The following ABCA10 variants were observed in gnomAD, a reference collection of about 807,000 sequenced individuals.
The protein encoded by ABCA10 is ATP-binding cassette sub-family A member 10.
In ABCA10, 169 loss-of-function variants were observed where a neutral mutation model predicts 187.5. The observed-to-expected ratio is 0.90, with a 90% CI of 0.80 to 1.02. ABCA10 has a LOEUF of 1.02. Ranked by LOEUF, ABCA10 falls within the 50% of genes least tolerant of loss-of-function variation. ABCA10 has a pLI of 0.00. For synonymous variants in ABCA10, 574 were observed against 601.8 expected (o/e 0.95, Z 0.68); for missense variants, 1,727 against 1,812.4 (o/e 0.95, Z 0.86).
chr17:69,210,847 C>CATATATATATATATGTATATATAT (rs2074640761), intron 9 of ABCA10, among the ~76,000 whole-genome samples: 1 of 37,892 alleles, frequency 2.6e-5, no homozygotes, highest in East Asian at 4.1e-4. Flanking sequence ...ATTTATGCCA[C>CATATATATATATATGTATATATAT]ATATATATAT....
chr17:69,177,973 A>AATATAT (rs58222975), intron 22 of ABCA10, among the ~76,000 whole-genome samples: 13 of 49,982 alleles, frequency 2.6e-4, no homozygotes, highest in African/African-American at 6.7e-4. Context: ...AAAAAAAAAA[A>AATATAT]ATATATATAT....
intron 9 of ABCA10, among the ~76,000 whole-genome samples, chr17:69,202,805 T>C (rs569789239): frequency 6.6e-6 from 1 of 152,232 alleles, no homozygotes; most frequent in East Asian, 1.9e-4. Flanking sequence ...AGAATACAAG[T>C]GCAGATCTAA....
At chr17:69,211,046 C>A (rs1598117691) in intron 9 of ABCA10, among the ~76,000 whole-genome samples, 1 of 150,466 alleles carries the variant, frequency 6.6e-6, no homozygotes, top group Admixed American at 6.6e-5. Context: ...TAAACTTGTA[C>A]AACCACTATG....
At chr17:69,211,495 G>C (rs2074658887) in intron 9 of ABCA10, among the ~76,000 whole-genome samples, 1 of 151,496 alleles carries the variant, frequency 6.6e-6, no homozygotes, top group Non-Finnish European at 1.5e-5. Context: ...TGGCTTCATA[G>C]AATGATTTAG....
intron 22 of ABCA10, among the ~76,000 whole-genome samples, chr17:69,176,890 A>G (rs8064583): frequency 0.56 from 85,035 of 151,922 alleles, 25,291 homozygotes; most frequent in Non-Finnish European, 0.67. Flanking sequence ...CTGTACTTAG[A>G]GTGTACAAGC....
intron 27 of ABCA10, among the ~76,000 whole-genome samples, chr17:69,162,983 A>C (rs1488701721): frequency 1.3e-5 from 2 of 151,890 alleles, no homozygotes; most frequent in African/African-American, 4.8e-5. Flanking sequence ...AATTACAGGC[A>C]CATGCCAGCA....
intron 1 of ABCA10, among the ~76,000 whole-genome samples, chr17:69,243,904 G>C (rs962816876): frequency 1.3e-5 from 2 of 152,062 alleles, no homozygotes; most frequent in African/African-American, 4.8e-5. Context: ...TCTCAAAAAC[G>C]AAAGAAACAC....
rs540034948 is a variant in ABCA10 at position 69,216,225 on chromosome 17, GGCCATATAA to G, written c.655_663del (p.Tyr220_Leu222del). On this transcript the variant is annotated inframe_deletion, in exon 7 of 39. Transcript: ENST00000690296. ...TGCTTTTACCAACTCACCAAAGAAA[GGCCATATAA>G]GCTATAGAGTGTGAATATCACCATG... The G allele has an allele frequency of 8.5e-4, 1,374 of 1,608,564 alleles. 5 individuals are homozygous for G. The highest frequency in any genetic ancestry group is 2.4e-3 in the South Asian group (219 of 89,446).
chr17:69,241,458 C>T (rs943845149), intron 1 of ABCA10, among the ~76,000 whole-genome samples: 3 of 152,186 alleles, frequency 2.0e-5, no homozygotes, highest in African/African-American at 7.2e-5. Flanking sequence ...CACACCTCTA[C>T]TCAAAACCCT....
chr17:69,231,354 C>T (rs548447443), upstream of ABCA10, among the ~76,000 whole-genome samples: 2 of 152,188 alleles, frequency 1.3e-5, no homozygotes, highest in Admixed American at 1.3e-4. Flanking sequence ...TCTTGAGTTG[C>T]CATGTTAGGT....
chr17:69,182,835 G>GAAAA, intron 20 of ABCA10, 27 bp from the exon 21 acceptor site: 3 of 1,325,830 alleles, frequency 2.3e-6, no homozygotes, highest in East Asian at 2.6e-5. Context: ...AAGGCAACAA[G>GAAAA]AAAAAAAAAA....
chr17:69,158,007 C>T (rs2074187176), intron 27 of ABCA10, among the ~76,000 whole-genome samples: 1 of 151,792 alleles, frequency 6.6e-6, no homozygotes, highest in Admixed American at 6.6e-5. Context: ...AACAGAGGCT[C>T]ACAGGCTTTG....
rs753008243 is a variant in ABCA10, at chr17:69,156,939, A to G, written c.3364-16T>C. The stretch of plus-strand genomic sequence containing the variant: ...GAAGGTATGGCTAAAAGAAAAGAAA[A>G]ATAATCAGAATTAGCATCACCATGG... On this transcript the variant is annotated splice_polypyrimidine_tract_variant and intron_variant, in intron 27 of 38. Coordinates refer to ENST00000690296, the MANE Select transcript of ABCA10 (RefSeq NM_001377321.1). 2 of 1,482,690 alleles carry G rather than the reference A, an allele frequency of 1.3e-6. No homozygotes were observed. The highest frequency in any genetic ancestry group is 4.9e-5 in the East Asian group (2 of 41,148). The allele number at this position is 1,482,690 out of a possible 1,614,324, so 91.8% of individuals were successfully genotyped here.
chr17:69,160,226 A>AT (rs907003691), intron 27 of ABCA10, among the ~76,000 whole-genome samples: 6 of 152,212 alleles, frequency 3.9e-5, no homozygotes, highest in African/African-American at 1.4e-4. Context: ...TTCAAATCAT[A>AT]TATCTGATAA....
intron 10 of ABCA10, 37 bp from the exon 11 acceptor site, chr17:69,197,159 T>C: frequency 6.8e-7 from 1 of 1,459,936 alleles, no homozygotes; most frequent in Non-Finnish European, 9.5e-7. Flanking sequence ...GTAAATGCAT[T>C]TTCTAGTATT....
chr17:69,162,826 C>CATATAT (rs1285575291), intron 27 of ABCA10, among the ~76,000 whole-genome samples: 1 of 65,056 alleles, frequency 1.5e-5, no homozygotes. Context: ...TATACATATA[C>CATATAT]ATATACATAT....
rs533180302 is a variant in ABCA10, at chr17:69,175,574, A to G, written c.2770-61T>C. On this transcript the variant is annotated intron_variant, in intron 22 of 38. Transcript: ENST00000690296. Reference sequence around the variant, plus strand: ...TTGTTACAAATTATACAAACATTATAAGATACGTTTCCAGGAAATAAAGAA... The same window carrying G: ...TTGTTACAAATTATACAAACATTATGAGATACGTTTCCAGGAAATAAAGAA... 3.1e-5 allele frequency: 40 copies of G among 1,295,020 alleles called. No individual in the cohort carries two copies. The African/African-American group carries it at 5.5e-4, about 18-fold the overall frequency. 80.2% of individuals were successfully genotyped at this position (1,295,020 alleles called of 1,614,324 possible).
intron 27 of ABCA10, among the ~76,000 whole-genome samples, chr17:69,159,990 C>T (rs1364896903): frequency 6.6e-6 from 1 of 152,016 alleles, no homozygotes; most frequent in Non-Finnish European, 1.5e-5. Flanking sequence ...ACAAAATTAA[C>T]TCAAAATGGA....
Position 69,193,859 on chromosome 17 carries a change from T to C in ABCA10, c.1476A>G (p.Val492=), listed in dbSNP as rs150033090. The change falls in exon 13 of 39, where the codon GTA becomes GTG. Residue 492 remains valine (V), a synonymous_variant. Coordinates refer to ENST00000690296, the MANE Select transcript of ABCA10 (RefSeq NM_001377321.1). ...DFLTVRENLR[V]FAKIKGIQPK... is the part of the protein sequence containing the mutation. ...GCTGAATCCCTTTTATTTTAGCAAA[T>C]ACCCTGAGGTTTTCTCTCACAGTGA... 2.7e-5 allele frequency: 44 copies of C among 1,613,506 alleles called. No individual in the cohort carries two copies. In the Admixed American group the frequency reaches 7.0e-4, roughly 26 times the overall value.
Sources: allele counts gnomAD v4.1 joint callset (sites outside exome capture counted in the v4.1 genomes callset), GRCh38; gene constraint gnomAD v4.1.1; transcripts MANE v1.5; gene names NCBI Gene and HGNC (gene_info 2026-07-23, HGNC 2026-07-21).